The following AUTS2 variants were observed in gnomAD, a reference collection of about 807,000 sequenced individuals.
AUTS2 encodes the protein autism susceptibility gene 2 protein.
A neutral mutation model predicts 112.4 loss-of-function variants in AUTS2; 17 were observed. The ratio of observed to expected loss-of-function variants is 0.15; its 90% confidence interval spans 0.10 to 0.23. AUTS2 has a LOEUF of 0.23. Among genes scored for constraint, AUTS2 ranks in the 10% least tolerant of loss-of-function variants. The pLI, the probability that AUTS2 is intolerant of heterozygous loss-of-function variation, is 1.00. For synonymous variants in AUTS2, 751 were observed against 702.7 expected (o/e 1.07, Z -1.09); for missense variants, 1,510 against 1,701.6 (o/e 0.89, Z 1.98).
At chr7:70,405,239 C>T (rs1235778962) in intron 4 of AUTS2, among the ~76,000 whole-genome samples, 3 of 152,192 alleles carry the variant, frequency 2.0e-5, no homozygotes, top group Non-Finnish European at 4.4e-5. Context: ...AACACCTCCT[C>T]CCTGCCCTTT....
chr7:70,749,736 C>G (rs960612074), intron 6 of AUTS2, among the ~76,000 whole-genome samples: 4 of 152,182 alleles, frequency 2.6e-5, no homozygotes, highest in Admixed American at 2.0e-4. Flanking sequence ...GAAGTTTTGT[C>G]TTCTGTCCTC....
chr7:69,995,685 G>T (rs1434513478), intron 2 of AUTS2, among the ~76,000 whole-genome samples: 1 of 152,182 alleles, frequency 6.6e-6, no homozygotes, highest in Non-Finnish European at 1.5e-5. Context: ...AATTGCCGCT[G>T]CTGGCCTTCT....
At chr7:69,665,122 A>C (rs751696558) in intron 1 of AUTS2, among the ~76,000 whole-genome samples, 1 of 152,144 alleles carries the variant, frequency 6.6e-6, no homozygotes, top group Non-Finnish European at 1.5e-5. Flanking sequence ...ACAGATTTGC[A>C]TTTCTGTCAC....
intron 5 of AUTS2, among the ~76,000 whole-genome samples, chr7:70,508,320 A>T (rs1262014147): frequency 6.6e-6 from 1 of 152,086 alleles, no homozygotes. Flanking sequence ...GAAGAAAGGG[A>T]GGGTGCAGAA....
At chr7:70,729,852 TTGTATGTA>T (rs56233310) in intron 6 of AUTS2, among the ~76,000 whole-genome samples, 14,751 of 148,800 alleles carry the variant, frequency 0.099, 922 homozygotes, top group South Asian at 0.18. Flanking sequence ...TGTTTGCCCA[TTGTATGTA>T]TGTATGTATG....
intron 2 of AUTS2, among the ~76,000 whole-genome samples, chr7:70,013,702 G>A (rs912614708): frequency 2.6e-5 from 4 of 152,134 alleles, no homozygotes; most frequent in Middle Eastern, 3.4e-3. Context: ...CCTCTCTACC[G>A]TTACTTATTC....
chr7:69,946,557 T>TACAC (rs57891742), intron 2 of AUTS2, among the ~76,000 whole-genome samples: 39 of 144,044 alleles, frequency 2.7e-4, no homozygotes, highest in Middle Eastern at 3.4e-3. Flanking sequence ...TGTGATGTGA[T>TACAC]ACACACACAC....
chr7:70,529,053 T>C (rs991476997), intron 5 of AUTS2, among the ~76,000 whole-genome samples: 1 of 152,160 alleles, frequency 6.6e-6, no homozygotes, highest in Non-Finnish European at 1.5e-5. Flanking sequence ...AGCAGTTGGT[T>C]GACTAATGCC....
intron 2 of AUTS2, among the ~76,000 whole-genome samples, chr7:69,942,449 T>C (rs1365727514): frequency 1.3e-5 from 2 of 152,252 alleles, no homozygotes; most frequent in Non-Finnish European, 2.9e-5. Flanking sequence ...TTGGGCTATT[T>C]TTCTTTTTAA....
chr7:70,616,835 G>A (rs73445495), intron 5 of AUTS2, among the ~76,000 whole-genome samples: 1,882 of 150,254 alleles, frequency 0.013, 39 homozygotes, highest in African/African-American at 0.044. Flanking sequence ...GGGAATGATG[G>A]CACTATTGAT....
At chr7:70,058,152 A>G (rs989882673) in intron 2 of AUTS2, among the ~76,000 whole-genome samples, 2 of 152,240 alleles carry the variant, frequency 1.3e-5, no homozygotes, top group Admixed American at 1.3e-4. Flanking sequence ...AAACTAAGCC[A>G]TTCAGTACAG....
chr7:69,623,687 G>C (rs1793792952), intron 1 of AUTS2, among the ~76,000 whole-genome samples: 1 of 152,010 alleles, frequency 6.6e-6, no homozygotes, highest in Non-Finnish European at 1.5e-5. Context: ...TCTATGCTAT[G>C]TAACTTTTCT....
At position 70,763,233 on chromosome 7, in the gene AUTS2, A is replaced by G; in HGVS notation, c.1106A>G (p.Gln369Arg). ...QRPPRPQSPT[Q>R]LLHQNLPPVQ... ...CCACCCAGGCCACAGTCCCCCACCC[A>G]GCTGCTCCATCAGAACCTCCCACCT... Residue 369 changes from glutamine to arginine, a missense_variant, in exon 7 of 19, where the codon CAG becomes CGG. By Grantham distance (43) the Gln-to-Arg change is conservative. Transcript: ENST00000342771. 1.2e-6 allele frequency: 2 copies of G among 1,613,962 alleles called. No homozygotes were observed. Among genetic ancestry groups the G allele is most frequent in the Non-Finnish European group, 1.7e-6 (2 of 1,179,970 alleles).
intron 2 of AUTS2, among the ~76,000 whole-genome samples, chr7:69,930,740 G>T (rs1796195759): frequency 6.6e-6 from 1 of 152,028 alleles, no homozygotes. Context: ...CCAATGCCTT[G>T]TTCTTTCAGT....
At chr7:70,182,045 G>A (rs985142218) in intron 4 of AUTS2, among the ~76,000 whole-genome samples, 14 of 150,372 alleles carry the variant, frequency 9.3e-5, no homozygotes, top group South Asian at 2.1e-4. Flanking sequence ...CTCATGATCC[G>A]CCCATCTCGG....
At position 69,599,179 on chromosome 7, in the gene AUTS2, A is replaced by AGG. The variant is rs1241545162; in HGVS notation, c.-470_-469dup. 1 of 68,612 alleles carries AGG rather than the reference A, an allele frequency of 1.5e-5. No individual in the cohort carries two copies. The highest frequency in any genetic ancestry group is 3.2e-5 in the Non-Finnish European group (1 of 30,846). 4.3% of individuals were successfully genotyped at this position (68,612 alleles called of 1,614,324 possible). A position where few individuals can be genotyped will look rare whatever the true frequency, so the allele number is the denominator to read the frequency against. ...TCGGACCCGATTTTGGATCGAGTTG[A>AGG]GGGGGGCGCGGGCGTTTTCGGGGGG... On this transcript the variant is annotated 5_prime_UTR_variant, in exon 1 of 19. Coordinates refer to ENST00000342771, the MANE Select transcript of AUTS2 (RefSeq NM_015570.4). This position sits in a 1 kb window ranked among gnomAD's most constrained non-coding sequence, Gnocchi z 7.0.
chr7:70,068,695 A>G (rs1291047188), intron 2 of AUTS2, among the ~76,000 whole-genome samples: 1 of 152,232 alleles, frequency 6.6e-6, no homozygotes, highest in Non-Finnish European at 1.5e-5. Flanking sequence ...GCTTAAGAAA[A>G]GAAAAGCAAT....
intron 5 of AUTS2, among the ~76,000 whole-genome samples, chr7:70,658,150 G>A (rs947802976): frequency 9.2e-5 from 14 of 152,252 alleles, no homozygotes; most frequent in South Asian, 4.1e-4. Context: ...ACAGTTGAAC[G>A]CCAAGCCTAG....
chr7:70,018,665 T>C (rs1800139129), intron 2 of AUTS2, among the ~76,000 whole-genome samples: 1 of 152,238 alleles, frequency 6.6e-6, no homozygotes, highest in Admixed American at 6.5e-5. Flanking sequence ...AGTTGTACTT[T>C]ATAAGCTAAT....
Sources: allele counts gnomAD v4.1 joint callset (sites outside exome capture counted in the v4.1 genomes callset), GRCh38; gene constraint gnomAD v4.1.1; non-coding constraint Gnocchi (gnomAD v3.1); transcripts MANE v1.5; gene names NCBI Gene and HGNC (gene_info 2026-07-23, HGNC 2026-07-21).